DNAH1: variants seen among roughly 807,000 people sequenced by gnomAD.
The protein encoded by DNAH1 is axonemal beta dynein heavy chain 1.
Under a neutral mutation model 484.3 loss-of-function variants are expected in DNAH1, and 327 were observed. The ratio of observed to expected loss-of-function variants is 0.68; its 90% confidence interval spans 0.62 to 0.74. The LOEUF is 0.74. Ranked by LOEUF, DNAH1 falls within the 30% of genes least tolerant of loss-of-function variation. The pLI, the probability that DNAH1 is intolerant of heterozygous loss-of-function variation, is 0.00. For synonymous variants in DNAH1, 2,192 were observed against 2,191.9 expected (o/e 1.00, Z 0.00); for missense variants, 5,052 against 5,546.8 (o/e 0.91, Z 2.83).
At position 52,384,915 on chromosome 3, in the gene DNAH1, A is replaced by T; in HGVS notation, c.8452A>T (p.Ile2818Phe). ...LELLHIFSIL[I>F]GQKKLELKTA... is the part of the protein sequence containing the mutation. ...GCTGCTTCATATTTTCTCCATCCTC[A>T]TCGGGCAGAAGAAACTGGAGCTGAA... Residue 2818 changes from isoleucine to phenylalanine, a missense_variant, in exon 53 of 78, where the codon ATC (isoleucine) becomes TTC (phenylalanine). Coordinates refer to ENST00000420323, the MANE Select transcript of DNAH1 (RefSeq NM_015512.5). 1 of 1,613,662 alleles carries T rather than the reference A, an allele frequency of 6.2e-7. No homozygotes were observed. Among genetic ancestry groups the T allele is most frequent in the East Asian group, 2.2e-5 (1 of 44,870 alleles).
chr3:52,353,585 C>T lies in DNAH1; in HGVS notation c.3432C>T (p.Ser1144=), dbSNP rs534534857. 2.0e-4 allele frequency: 327 copies of T among 1,611,612 alleles called. 1 individual carries two copies. The Middle Eastern group carries it at 3.0e-3, about 15-fold the overall frequency. Residue 1144 remains serine, a synonymous_variant, in exon 20 of 78, where the codon AGC becomes AGT. Coordinates refer to ENST00000420323, the MANE Select transcript of DNAH1 (RefSeq NM_015512.5). This position sits in a 1 kb window ranked among gnomAD's most constrained non-coding sequence, Gnocchi z 5.0. ...TGAACCTGCAGGACCATATCGAGAG[C>T]ATCAGCAAGGTGGCTGAGGTGGCTG... ...LEMNLQDHIE[S]ISKVAEVAGK...
At position 52,395,456 on chromosome 3, in the gene DNAH1, GC is replaced by G. The variant is rs1704577950; in HGVS notation, c.11119del (p.Gln3707ArgfsTer10). ...AAAAAGCTCTCTGCCATCTCCCTGG[GC>G]CAGGGGCAGGTCAGGGCTAGGCAGG... ...FSKKLSAISL[G>X]QGQGPRAEAM... On this transcript the variant is annotated frameshift_variant, in exon 69 of 78. Transcript: ENST00000420323. LOFTEE classifies it high-confidence loss of function. The surrounding 1 kb of genome is among the most constrained non-coding windows in gnomAD (Gnocchi z 4.4). 6.2e-7 allele frequency: 1 copy of G among 1,613,750 alleles called. No individual in the cohort carries two copies. The highest frequency in any genetic ancestry group is 8.5e-7 in the Non-Finnish European group (1 of 1,179,900).
intron 3 of DNAH1, among the ~76,000 whole-genome samples, chr3:52,324,316 G>C (rs1245190296): frequency 2.0e-5 from 3 of 152,156 alleles, no homozygotes; most frequent in Non-Finnish European, 4.4e-5. Flanking sequence ...GAGGAAAGGG[G>C]GACTCTCCTC....
chr3:52,392,186 A>G (rs1704418842), intron 63 of DNAH1, among the ~76,000 whole-genome samples: 1 of 152,192 alleles, frequency 6.6e-6, no homozygotes, highest in South Asian at 2.1e-4. Flanking sequence ...CCAAGGAGGT[A>G]TTGTCCAGAG....
Position 52,384,843 on chromosome 3 carries a change from G to C in DNAH1, c.8380G>C (p.Ala2794Pro). 6.2e-7 allele frequency: 1 copy of C among 1,603,598 alleles called. No homozygotes were observed. The highest frequency in any genetic ancestry group is 8.5e-7 in the Non-Finnish European group (1 of 1,174,982). ...GTCCAAGAAGTGCATCGAGTACCTG[G>C]CAGAGCTGACCCGCCACAACTATGT... ...SVSKKCIEYL[A>P]ELTRHNYVTP... Residue 2794 changes from alanine to proline, a missense_variant, in exon 53 of 78, where the codon GCA (alanine) becomes CCA (proline). Physicochemically the swap from Ala to Pro is conservative, Grantham distance 27. Around this residue, in one of 4 missense-constraint regions of DNAH1, gnomAD observed 2,929 missense variants for 3,409.4 expected, o/e 0.86. Transcript: ENST00000420323.
At position 52,366,783 on chromosome 3, in the gene DNAH1, C is replaced by T; in HGVS notation, c.5661C>T (p.Ser1887=). The change falls in exon 36 of 78, where the codon TCC becomes TCT. Residue 1887 remains serine, a synonymous_variant. Coordinates refer to ENST00000420323, the MANE Select transcript of DNAH1 (RefSeq NM_015512.5). Reference sequence around the variant, plus strand: ...TGACGTCACTGAAAGGGCAGCCATCCATCAGTGGTGGCATGTACGAGGCTG... The same window carrying T: ...TGACGTCACTGAAAGGGCAGCCATCTATCAGTGGTGGCATGTACGAGGCTG... The part of the protein sequence containing the change: ...AAMTSLKGQP[S]ISGGMYEAVN... 6.2e-7 allele frequency: 1 copy of T among 1,613,882 alleles called. No individual in the cohort carries two copies. The highest frequency in any genetic ancestry group is 8.5e-7 in the Non-Finnish European group (1 of 1,179,828).
intron 8 of DNAH1, among the ~76,000 whole-genome samples, chr3:52,339,804 C>G (rs186007490): frequency 8.9e-5 from 13 of 146,626 alleles, no homozygotes; most frequent in South Asian, 4.4e-4. Flanking sequence ...GTGTGTGTGT[C>G]TGTGTGTGTG....
intron 8 of DNAH1, among the ~76,000 whole-genome samples, chr3:52,339,210 T>G (rs1578097876): frequency 6.6e-6 from 1 of 152,218 alleles, no homozygotes; most frequent in East Asian, 1.9e-4. Context: ...CCCTTTTTAG[T>G]TTTTTCTAAT....
In DNAH1 at chr3:52,379,771, C is replaced by G. The variant is rs574202190; in HGVS notation, c.7378-134C>G. 5 of 769,124 alleles carry G rather than the reference C, an allele frequency of 6.5e-6. No homozygotes were observed. Among genetic ancestry groups the G allele is most frequent in the African/African-American group, 5.3e-5 (3 of 56,824 alleles). 47.6% of individuals were successfully genotyped at this position (769,124 alleles called of 1,614,324 possible). On this transcript the variant is annotated intron_variant, in intron 47 of 77. Coordinates refer to ENST00000420323, the MANE Select transcript of DNAH1 (RefSeq NM_015512.5). This position sits in a 1 kb window ranked among gnomAD's most constrained non-coding sequence, Gnocchi z 4.4. Reference sequence around the variant, plus strand: ...TGCCAGCAGCCCCCACACACTGTCCCTGGGCCATGGTGGGAGAGCCAGGCT... The same window carrying G: ...TGCCAGCAGCCCCCACACACTGTCCGTGGGCCATGGTGGGAGAGCCAGGCT...
upstream of DNAH1, among the ~76,000 whole-genome samples, chr3:52,315,587 G>A (rs567177085): frequency 3.3e-5 from 5 of 152,206 alleles, no homozygotes; most frequent in Non-Finnish European, 7.3e-5. Flanking sequence ...TAAGAGATGG[G>A]CAGTGACTCC....
intron 11 of DNAH1, 57 bp from the exon 12 acceptor site, chr3:52,347,767 C>G: frequency 6.7e-7 from 1 of 1,487,318 alleles, no homozygotes. Context: ...CAGAGGGCTG[C>G]TCCTGCACAC....
intron 8 of DNAH1, among the ~76,000 whole-genome samples, chr3:52,335,399 G>A (rs1015325401): frequency 7.7e-6 from 1 of 130,342 alleles, no homozygotes. Context: ...AAAAAGCAAT[G>A]TGTGATTTTT....
intron 8 of DNAH1, among the ~76,000 whole-genome samples, chr3:52,335,155 T>C (rs1701694779): frequency 6.8e-6 from 1 of 147,478 alleles, no homozygotes; most frequent in Non-Finnish European, 1.5e-5. Flanking sequence ...TGTGTGATTT[T>C]TTTTTTTTTT....
intron 3 of DNAH1, among the ~76,000 whole-genome samples, chr3:52,325,203 A>G (rs1014210747): frequency 6.6e-6 from 1 of 152,184 alleles, no homozygotes; most frequent in Non-Finnish European, 1.5e-5. Flanking sequence ...AGCCTTGGAC[A>G]CTGCCCAGGC....
chr3:52,320,751 G>A (rs949184995), intron 1 of DNAH1, among the ~76,000 whole-genome samples: 1 of 151,914 alleles, frequency 6.6e-6, no homozygotes, highest in Non-Finnish European at 1.5e-5. Flanking sequence ...GCTTGGGCTA[G>A]GCCTCTATTT....
Position 52,326,262 on chromosome 3 carries a change from G to T in DNAH1, c.529G>T (p.Val177Leu), listed in dbSNP as rs774452903. 3.1e-6 allele frequency: 5 copies of T among 1,612,534 alleles called. No individual in the cohort carries two copies. The highest frequency in any genetic ancestry group is 3.4e-6 in the Non-Finnish European group (4 of 1,179,782). The change falls in exon 4 of 78, where the codon GTG (valine) becomes TTG (leucine). Residue 177 changes from valine to leucine, a missense_variant. Coordinates refer to ENST00000420323, the MANE Select transcript of DNAH1 (RefSeq NM_015512.5). ...GCAGGCCTACGAGCCCAAGATGCAG[G>T]TGCCTTTCCAGGTGCTGCCAGGCCA... ...PLQAYEPKMQ[V>L]PFQVLPGQHP...
rs1704388687 is a variant in DNAH1 at position 52,391,577 on chromosome 3, C to G, written c.10026C>G (p.Thr3342=). ...CGCCCGAGATCTCCACCAAACTCAC[C>G]CTCATCAACTTCACCCTGTCGCCCA... ...HYTPEISTKL[T]LINFTLSPSG... The change falls in exon 63 of 78, where the codon ACC becomes ACG. Residue 3342 remains threonine, a synonymous_variant. Coordinates refer to ENST00000420323, the MANE Select transcript of DNAH1 (RefSeq NM_015512.5). 1.2e-6 allele frequency: 2 copies of G among 1,613,752 alleles called. No individual in the cohort carries two copies. The highest frequency in any genetic ancestry group is 1.1e-5 in the South Asian group (1 of 91,082).
intron 67 of DNAH1, 112 bp downstream of exon 67, chr3:52,394,773 G>A: frequency 6.8e-7 from 1 of 1,475,914 alleles, no homozygotes; most frequent in Non-Finnish European, 9.1e-7. Context: ...CCCTGTGGCT[G>A]TGGCCACATC....
chr3:52,389,433 G>A, intron 59 of DNAH1, 28 bp from the exon 60 acceptor site: 1 of 1,610,830 alleles, frequency 6.2e-7, no homozygotes, highest in Non-Finnish European at 8.5e-7. Flanking sequence ...GTCATGGTGG[G>A]GTGGTCCTGA....
Sources: gnomAD v4.1 joint callset for allele counts (sites outside exome capture counted in the v4.1 genomes callset) on GRCh38, gnomAD v4.1.1 for gene constraint, gnomAD v4.1.1 regional missense constraint, Gnocchi (gnomAD v3.1) non-coding constraint, MANE v1.5 for transcripts, NCBI Gene and HGNC (gene_info 2026-07-23, HGNC 2026-07-21) for gene names.